The following ENTREP2 variants were observed in gnomAD, a reference collection of about 807,000 sequenced individuals.
ENTREP2 encodes the protein protein ENTREP2.
At chr15:29,418,944 T>G in the ENTREP2 span, among the ~76,000 whole-genome samples, 1 of 152,150 alleles carries the variant, frequency 6.6e-6, no homozygotes, top group Admixed American at 6.5e-5. Context: ...ATTCTGAGGG[T>G]AAGAGACTTA....
At chr15:29,297,346 A>G in the ENTREP2 span, among the ~76,000 whole-genome samples, 1 of 152,206 alleles carries the variant, frequency 6.6e-6, no homozygotes, top group Non-Finnish European at 1.5e-5. Flanking sequence ...AGGGAGTAAA[A>G]CATGTCTATG....
chr15:29,498,268 G>A, the ENTREP2 span, among the ~76,000 whole-genome samples: 14 of 152,104 alleles, frequency 9.2e-5, no homozygotes, highest in African/African-American at 3.1e-4. Context: ...AAATTATCCA[G>A]TCTCAGTATC....
At chr15:29,512,348 A>G in the ENTREP2 span, among the ~76,000 whole-genome samples, 2 of 152,222 alleles carry the variant, frequency 1.3e-5, no homozygotes, top group African/African-American at 4.8e-5. Flanking sequence ...ACAGACAGAA[A>G]TAGAAACATT....
chr15:29,136,223 G>T, the ENTREP2 span: 18 of 815,928 alleles, frequency 2.2e-5, no homozygotes, highest in Admixed American at 5.3e-4. Context: ...GCATCCGGGG[G>T]CCTCGGCACA....
At chr15:29,486,075 C>T in the ENTREP2 span, among the ~76,000 whole-genome samples, 1 of 152,174 alleles carries the variant, frequency 6.6e-6, no homozygotes, top group Non-Finnish European at 1.5e-5. Flanking sequence ...TTCATTACAG[C>T]ACTATTCACA....
chr15:29,420,851 CACAA>C, the ENTREP2 span, among the ~76,000 whole-genome samples: 1 of 152,176 alleles, frequency 6.6e-6, no homozygotes, highest in Non-Finnish European at 1.5e-5. Flanking sequence ...AGCCCCAGAC[CACAA>C]TGCAGCAACA....
At chr15:29,492,763 G>C in the ENTREP2 span, among the ~76,000 whole-genome samples, 3 of 152,064 alleles carry the variant, frequency 2.0e-5, no homozygotes, top group African/African-American at 4.8e-5. Context: ...CAGCACTTTG[G>C]GAGGCCAAAG....
the ENTREP2 span, chr15:29,374,129 A>G: frequency 6.6e-6 from 1 of 152,154 alleles, no homozygotes; most frequent in African/African-American, 2.4e-5. Flanking sequence ...GAGTTTAAAA[A>G]TTAAAAAAAA....
At chr15:29,247,466 C>G in the ENTREP2 span, among the ~76,000 whole-genome samples, 1 of 152,080 alleles carries the variant, frequency 6.6e-6, no homozygotes, top group Non-Finnish European at 1.5e-5. Flanking sequence ...TAGAACTTGT[C>G]CTACCATGTA....
At chr15:29,481,378 G>A in the ENTREP2 span, among the ~76,000 whole-genome samples, 1 of 152,184 alleles carries the variant, frequency 6.6e-6, no homozygotes, top group African/African-American at 2.4e-5. Context: ...GCCACACTCA[G>A]AGTAGTAAGG....
the ENTREP2 span, among the ~76,000 whole-genome samples, chr15:29,382,756 G>A: frequency 6.6e-6 from 1 of 152,154 alleles, no homozygotes; most frequent in Non-Finnish European, 1.5e-5. Flanking sequence ...GCAACCTGAG[G>A]ATGACACTGG....
At chr15:29,438,343 C>T in the ENTREP2 span, among the ~76,000 whole-genome samples, 1 of 152,200 alleles carries the variant, frequency 6.6e-6, no homozygotes, top group Non-Finnish European at 1.5e-5. Flanking sequence ...ATGGACTCCC[C>T]GTGGCTAACT....
At chr15:29,134,310 A>C in the ENTREP2 span, among the ~76,000 whole-genome samples, 18 of 152,188 alleles carry the variant, frequency 1.2e-4, no homozygotes, top group African/African-American at 4.3e-4. Context: ...TGACTAAAGG[A>C]TTCCTCTCCA....
the ENTREP2 span, among the ~76,000 whole-genome samples, chr15:29,190,309 C>T: frequency 1.2e-4 from 19 of 152,224 alleles, no homozygotes; most frequent in South Asian, 3.9e-3. Context: ...AGGTAAGAAA[C>T]CATCAATATC....
the ENTREP2 span, among the ~76,000 whole-genome samples, chr15:29,353,764 C>T: frequency 5.3e-5 from 8 of 152,130 alleles, no homozygotes; most frequent in South Asian, 2.1e-4. Flanking sequence ...CTGAGCCTCA[C>T]GGGGATAGAG....
chr15:29,471,672 G>A, the ENTREP2 span, among the ~76,000 whole-genome samples: 3 of 152,196 alleles, frequency 2.0e-5, no homozygotes, highest in Non-Finnish European at 4.4e-5. Flanking sequence ...CATACACCGG[G>A]GTAATACGTA....
At chr15:29,576,060 A>G in the ENTREP2 span, among the ~76,000 whole-genome samples, 1 of 152,238 alleles carries the variant, frequency 6.6e-6, no homozygotes, top group Non-Finnish European at 1.5e-5. Context: ...TGAAAGACTC[A>G]TACTTCTAGA....
At chr15:29,449,447 T>A in the ENTREP2 span, among the ~76,000 whole-genome samples, 2 of 152,194 alleles carry the variant, frequency 1.3e-5, no homozygotes, top group East Asian at 3.9e-4. Flanking sequence ...AGAAGGAGCT[T>A]GGCAGGTGAA....
At chr15:29,643,800 A>G in the ENTREP2 span, among the ~76,000 whole-genome samples, 1 of 150,906 alleles carries the variant, frequency 6.6e-6, no homozygotes, top group African/African-American at 2.4e-5. Context: ...AAAAAAAAAG[A>G]AAGAAAGAAA....
Sources: gnomAD v4.1 joint callset for allele counts (sites outside exome capture counted in the v4.1 genomes callset) on GRCh38, gnomAD v4.1.1 for gene constraint, MANE v1.5 for transcripts, NCBI Gene and HGNC (gene_info 2026-07-23, HGNC 2026-07-21) for gene names.